GRIA4: variants seen among roughly 807,000 people sequenced by gnomAD.
GRIA4 encodes glutamate ionotropic receptor AMPA type subunit 4.
In GRIA4, 34 loss-of-function variants were observed where a neutral mutation model predicts 104.0. That is an observed-to-expected ratio of 0.33 (90% CI 0.25 to 0.44). The LOEUF is 0.44. Among genes scored for constraint, GRIA4 ranks in the 20% least tolerant of loss-of-function variants. The probability of loss-of-function intolerance (pLI) is 1.00; values close to 1 mark genes in which losing one functional copy is unlikely to be tolerated. For synonymous variants in GRIA4, 386 were observed against 381.9 expected, an observed-to-expected ratio of 1.01 and a Z score of -0.13; for missense variants, 750 against 1,096.5, an observed-to-expected ratio of 0.68 and a Z score of 4.46.
chr11:105,758,271 A>G (rs183101590), intron 4 of GRIA4, among the ~76,000 whole-genome samples: 9 of 152,166 alleles, frequency 5.9e-5, no homozygotes, highest in Admixed American at 5.2e-4. Flanking sequence ...TTGCTTTGAT[A>G]GAGCCCTGAG....
chr11:105,910,602 C>T (rs2136164509), intron 10 of GRIA4, 57 bp downstream of exon 10: 1 of 885,588 alleles, frequency 1.1e-6, no homozygotes, highest in South Asian at 1.3e-5. Context: ...AATTTTAACT[C>T]CCCAGCGACG....
chr11:105,610,259 G>T lies in GRIA4; in HGVS notation c.-260G>T, dbSNP rs1455088262. 1 of 152,554 alleles carries T rather than the reference G, an allele frequency of 6.6e-6. No homozygotes were observed. Among genetic ancestry groups the T allele is most frequent in the East Asian group, 1.9e-4 (1 of 5,192 alleles). The allele number at this position is 152,554 out of a possible 1,614,324, so 9.5% of individuals were successfully genotyped here. Reference sequence around the variant, plus strand: ...GGCGGATTTTCTGCCTAGCGCAGCCGAGAAGCAGAGGTGCCAGGAAAACCA... The same window carrying T: ...GGCGGATTTTCTGCCTAGCGCAGCCTAGAAGCAGAGGTGCCAGGAAAACCA... On this transcript the variant is annotated 5_prime_UTR_variant, in exon 1 of 17. Transcript: ENST00000282499.
chr11:105,717,256 A>G (rs552671897), intron 3 of GRIA4, among the ~76,000 whole-genome samples: 107 of 152,266 alleles, frequency 7.0e-4, no homozygotes, highest in African/African-American at 2.4e-3. Context: ...GAGCATGGCA[A>G]GCTCCATACC....
At chr11:105,965,053 G>A (rs929841292) in intron 14 of GRIA4, among the ~76,000 whole-genome samples, 13 of 151,918 alleles carry the variant, frequency 8.6e-5, no homozygotes, top group East Asian at 7.8e-4. Flanking sequence ...GTGACTGACC[G>A]ACCTCCGCCT....
Position 105,771,449 on chromosome 11 carries a change from CCTAA to C in GRIA4, c.487+18234_487+18237del, listed in dbSNP as rs1456033915. On this transcript the variant is annotated intron_variant, in intron 4 of 16. Transcript: ENST00000282499. ...GGGACAATGCTATTTTTGCCCTTGC[CCTAA>C]CTAAGATTTTGATATGAACCGTTCC... 3.9e-5 allele frequency among the ~76,000 whole-genome samples: 6 copies of C among 152,006 alleles called. 1 individual carries two copies. The highest frequency in any genetic ancestry group is 1.2e-4 in the African/African-American group (5 of 41,478).
rs141764222 is a variant in GRIA4 at position 105,946,341 on chromosome 11, G to A, written c.2294+12372G>A. Among the ~76,000 whole-genome samples the A allele has an allele frequency of 3.5e-3, 529 of 152,246 alleles. 3 individuals carry two copies. The highest frequency in any genetic ancestry group is 0.012 in the African/African-American group (504 of 41,562). ...CTCACACCTGTAATCCCAGCACTTC[G>A]GGAGGCCAAGGCAGGTGGATTTCTT... On this transcript the variant is annotated intron_variant, in intron 14 of 16. Coordinates refer to ENST00000282499, the MANE Select transcript of GRIA4 (RefSeq NM_000829.4).
chr11:105,638,100 C>G (rs1951257546), intron 3 of GRIA4, among the ~76,000 whole-genome samples: 1 of 152,082 alleles, frequency 6.6e-6, no homozygotes, highest in East Asian at 1.9e-4. Flanking sequence ...ACACAGGTTG[C>G]TTTTTCTGAT....
intron 4 of GRIA4, among the ~76,000 whole-genome samples, chr11:105,766,553 T>C (rs75756869): frequency 0.013 from 1,990 of 152,276 alleles, 33 homozygotes; most frequent in East Asian, 0.054. Flanking sequence ...TAGACTTATT[T>C]CTAAAATCTT....
In GRIA4 at chr11:105,764,589, A is replaced by AC. The variant is rs1301885870; in HGVS notation, c.487+11375dup. ...TAAAGTAAATTTATATCAGAAAGAG[A>AC]CCCCCCTACTCCCACCCTGGAAATC... On this transcript the variant is annotated intron_variant, in intron 4 of 16. Coordinates refer to ENST00000282499, the MANE Select transcript of GRIA4 (RefSeq NM_000829.4). Among the ~76,000 whole-genome samples, 6 of 151,914 alleles carry AC rather than the reference A, an allele frequency of 3.9e-5. No homozygotes were observed. In the East Asian group the frequency reaches 5.8e-4, roughly 15 times the overall value.
At chr11:105,611,143 G>A in intron 2 of GRIA4, 58 bp downstream of exon 2, 1 of 1,158,366 alleles carries the variant, frequency 8.6e-7, no homozygotes. Context: ...ATCCGAAAGT[G>A]AGTTAAATGA....
chr11:105,685,239 A>G (rs1243055261), intron 3 of GRIA4, among the ~76,000 whole-genome samples: 1 of 152,164 alleles, frequency 6.6e-6, no homozygotes, highest in East Asian at 1.9e-4. Context: ...CTTAGGACGC[A>G]CTTAGAAAGC....
chr11:105,619,148 T>C (rs1950676799), intron 3 of GRIA4, among the ~76,000 whole-genome samples: 1 of 151,916 alleles, frequency 6.6e-6, no homozygotes, highest in Admixed American at 6.6e-5. Flanking sequence ...AATGTTCTTC[T>C]TTCACTTAGA....
At chr11:105,660,766 G>A (rs1232109335) in intron 3 of GRIA4, among the ~76,000 whole-genome samples, 1 of 151,464 alleles carries the variant, frequency 6.6e-6, no homozygotes, top group African/African-American at 2.4e-5. Context: ...GAATGTCCAT[G>A]AAAAACTCCA....
intron 4 of GRIA4, among the ~76,000 whole-genome samples, chr11:105,776,385 T>A (rs1271645787): frequency 6.6e-6 from 1 of 152,190 alleles, no homozygotes; most frequent in Non-Finnish European, 1.5e-5. Flanking sequence ...ATTATATGAA[T>A]ATATCAAACT....
chr11:105,755,239 A>G (rs556871555), intron 4 of GRIA4, among the ~76,000 whole-genome samples: 1 of 152,250 alleles, frequency 6.6e-6, no homozygotes. Flanking sequence ...AACTGCCTTT[A>G]ATCCTCTTGC....
intron 3 of GRIA4, among the ~76,000 whole-genome samples, chr11:105,621,567 C>T (rs986393780): frequency 1.3e-5 from 2 of 151,618 alleles, no homozygotes; most frequent in Non-Finnish European, 3.0e-5. Flanking sequence ...TTTTCTTATA[C>T]TGCTGCATAA....
At chr11:105,727,322 G>T (rs111852784) in intron 3 of GRIA4, among the ~76,000 whole-genome samples, 4 of 152,092 alleles carry the variant, frequency 2.6e-5, no homozygotes, top group African/African-American at 9.6e-5. Context: ...AAAGCATGAA[G>T]ACAAGATTAG....
intron 3 of GRIA4, chr11:105,614,200 A>T (rs961937835): frequency 6.6e-6 from 1 of 151,552 alleles, no homozygotes; most frequent in Admixed American, 6.6e-5. Context: ...ATTATTATTA[A>T]ATTTTGAAAG....
intron 3 of GRIA4, 55 bp downstream of exon 3, chr11:105,612,489 A>G: frequency 2.2e-6 from 3 of 1,362,404 alleles, no homozygotes; most frequent in Non-Finnish European, 3.1e-6. Flanking sequence ...CAAGCAATGG[A>G]GTCCTCTTCC....
Sources: allele counts gnomAD v4.1 joint callset (sites outside exome capture counted in the v4.1 genomes callset), GRCh38; gene constraint gnomAD v4.1.1; transcripts MANE v1.5; gene names NCBI Gene and HGNC (gene_info 2026-07-23, HGNC 2026-07-21).